The following EYA1 variants were observed in gnomAD, a reference collection of about 807,000 sequenced individuals.
EYA1 encodes EYA transcriptional coactivator and phosphatase 1, also known as protein phosphatase EYA1.
In EYA1, 16 loss-of-function variants were observed where a neutral mutation model predicts 82.0. The ratio of observed to expected loss-of-function variants is 0.20; its 90% CI spans 0.13 to 0.30. The LOEUF (loss-of-function observed/expected upper bound fraction) is 0.30, where lower values mean the gene tolerates loss of function less well. Among genes scored for constraint, EYA1 ranks in the 10% least tolerant of loss-of-function variants. The pLI is 1.00. For missense variants in EYA1, 633 were observed against 730.7 expected (o/e 0.87, Z 1.54); for synonymous variants, 261 against 264.4 (o/e 0.99, Z 0.12).
chr8:71,470,994 C>T (rs2129200880), intron 2 of EYA1: 1 of 416,682 alleles, frequency 2.4e-6, no homozygotes, highest in Middle Eastern at 3.6e-4. Context: ...TGTTTATTTT[C>T]CCACATCTTT....
At chr8:71,200,224 C>G (rs1262196940) in intron 17 of EYA1, 1 of 152,086 alleles carries the variant, frequency 6.6e-6, no homozygotes, top group Non-Finnish European at 1.5e-5. Context: ...GTTTGTTTAC[C>G]TTATAGAATA....
chr8:71,545,202 C>T (rs1382740594), intron 1 of EYA1, among the ~76,000 whole-genome samples: 1 of 152,186 alleles, frequency 6.6e-6, no homozygotes, highest in African/African-American at 2.4e-5. Flanking sequence ...GGCATTAATG[C>T]CATCTAATAG....
intron 1 of EYA1, among the ~76,000 whole-genome samples, chr8:71,546,513 T>TTA (rs1554606207): frequency 2.1e-5 from 3 of 144,510 alleles, no homozygotes; most frequent in African/African-American, 7.9e-5. Flanking sequence ...TGATTCTTAT[T>TTA]TTTTTTTTTT....
chr8:71,478,671 A>G (rs1379157153), intron 2 of EYA1, among the ~76,000 whole-genome samples: 2 of 152,122 alleles, frequency 1.3e-5, no homozygotes, highest in Non-Finnish European at 2.9e-5. Flanking sequence ...TTCTCAAGTT[A>G]TTGTTCACTG....
intron 9 of EYA1, among the ~76,000 whole-genome samples, chr8:71,281,373 T>C (rs552257275): frequency 1.4e-4 from 21 of 152,348 alleles, no homozygotes; most frequent in South Asian, 1.2e-3. Flanking sequence ...CAGGGATTTG[T>C]GGTATCGTCA....
chr8:71,335,809 A>G (rs1371343065), intron 3 of EYA1, among the ~76,000 whole-genome samples: 1 of 152,102 alleles, frequency 6.6e-6, no homozygotes, highest in East Asian at 1.9e-4. Context: ...ACACACACAC[A>G]CACACACAAA....
At chr8:71,284,405 G>A (rs1175343032) in intron 9 of EYA1, among the ~76,000 whole-genome samples, 1 of 152,190 alleles carries the variant, frequency 6.6e-6, no homozygotes, top group Admixed American at 6.6e-5. Flanking sequence ...TCACCATAGT[G>A]GACAGAATAA....
At chr8:71,430,241 A>G (rs1383630032) in intron 2 of EYA1, among the ~76,000 whole-genome samples, 3 of 152,188 alleles carry the variant, frequency 2.0e-5, no homozygotes, top group African/African-American at 7.2e-5. Flanking sequence ...ATCTCATTTG[A>G]TCTTTCCCAT....
chr8:71,422,626 C>G (rs1831203627), intron 2 of EYA1, among the ~76,000 whole-genome samples: 1 of 152,112 alleles, frequency 6.6e-6, no homozygotes, highest in East Asian at 1.9e-4. Context: ...GTTTAACTGA[C>G]TCACAGTTCA....
chr8:71,388,187 T>C (rs1029878339), intron 2 of EYA1, among the ~76,000 whole-genome samples: 4 of 152,168 alleles, frequency 2.6e-5, no homozygotes, highest in Non-Finnish European at 5.9e-5. Context: ...CTCCAAAGAC[T>C]GATTAACTTT....
intron 17 of EYA1, among the ~76,000 whole-genome samples, chr8:71,202,697 C>T (rs889436921): frequency 4.6e-5 from 7 of 152,144 alleles, no homozygotes; most frequent in Non-Finnish European, 7.3e-5. Context: ...CTGGTAGATT[C>T]TGGGGACACT....
chr8:71,368,539 A>C (rs1827892217), intron 2 of EYA1, among the ~76,000 whole-genome samples: 1 of 152,170 alleles, frequency 6.6e-6, no homozygotes, highest in Non-Finnish European at 1.5e-5. Flanking sequence ...AATGATCCAA[A>C]AACCTGCCTA....
intron 2 of EYA1, among the ~76,000 whole-genome samples, chr8:71,494,460 G>A (rs1811264148): frequency 6.6e-6 from 1 of 152,060 alleles, no homozygotes; most frequent in Non-Finnish European, 1.5e-5. Flanking sequence ...AATAGGTTAA[G>A]ATAAATTATT....
chr8:71,408,045 AG>A (rs1271644697), intron 2 of EYA1, among the ~76,000 whole-genome samples: 1 of 152,000 alleles, frequency 6.6e-6, no homozygotes, highest in Non-Finnish European at 1.5e-5. Flanking sequence ...CCTACAAGCC[AG>A]AAGAGAGTGG....
chr8:71,412,382 A>G (rs1281378092), intron 2 of EYA1, among the ~76,000 whole-genome samples: 2 of 146,782 alleles, frequency 1.4e-5, no homozygotes, highest in Non-Finnish European at 3.0e-5. Context: ...AGTATAATAA[A>G]AAAATATAAA....
At chr8:71,392,728 T>G in intron 2 of EYA1, among the ~76,000 whole-genome samples, 1 of 152,342 alleles carries the variant, frequency 6.6e-6, no homozygotes. Flanking sequence ...AGAAAAATCA[T>G]TCATTTCTTC....
chr8:71,530,690 T>A (rs1814195030), intron 2 of EYA1, among the ~76,000 whole-genome samples: 1 of 152,184 alleles, frequency 6.6e-6, no homozygotes, highest in African/African-American at 2.4e-5. Context: ...TATTAAAAAA[T>A]AAATAATTAA....
At chr8:71,368,203 C>A (rs1200880684) in intron 2 of EYA1, among the ~76,000 whole-genome samples, 9 of 151,396 alleles carry the variant, frequency 5.9e-5, no homozygotes, top group Admixed American at 6.6e-5. Context: ...AAAAACAACA[C>A]CCTGGTTGAT....
chr8:71,226,206 T>C (rs768259901), intron 12 of EYA1, among the ~76,000 whole-genome samples: 1 of 152,128 alleles, frequency 6.6e-6, no homozygotes, highest in Non-Finnish European at 1.5e-5. Context: ...TGAACACATG[T>C]TTTTCAAAGT....
Sources: allele counts gnomAD v4.1 joint callset (sites outside exome capture counted in the v4.1 genomes callset), GRCh38; gene constraint gnomAD v4.1.1; transcripts MANE v1.5; gene names NCBI Gene and HGNC (gene_info 2026-07-23, HGNC 2026-07-21).